Variants in ANK1 observed in about 807,000 individuals in gnomAD.
ANK1 encodes ankyrin-1.
Under a neutral mutation model 210.4 loss-of-function variants are expected in ANK1, and 51 were observed. The observed-to-expected ratio is 0.24, with a 90% CI of 0.19 to 0.31. The LOEUF is 0.31. Ranked by LOEUF, ANK1 falls within the 10% of genes least tolerant of loss-of-function variation. The probability of loss-of-function intolerance (pLI) is 1.00; values close to 1 mark genes in which losing one functional copy is unlikely to be tolerated. For missense variants in ANK1, 2,051 were observed against 2,504.4 expected (o/e 0.82, Z 3.86); for synonymous variants, 967 against 1,025.9 (o/e 0.94, Z 1.10).
At chr8:41,862,129 A>T (rs558051458) in intron 1 of ANK1, among the ~76,000 whole-genome samples, 1 of 152,216 alleles carries the variant, frequency 6.6e-6, no homozygotes, top group African/African-American at 2.4e-5. Context: ...TGGCCTCCCA[A>T]GGACCTGATT....
intron 20 of ANK1, among the ~76,000 whole-genome samples, chr8:41,702,593 A>G (rs1470955212): frequency 6.6e-6 from 1 of 152,218 alleles, no homozygotes; most frequent in Non-Finnish European, 1.5e-5. Flanking sequence ...TAATCCATAT[A>G]CTTCAATGAA....
chr8:41,873,898 G>T (rs796206676), intron 1 of ANK1, among the ~76,000 whole-genome samples: 6 of 152,152 alleles, frequency 3.9e-5, no homozygotes, highest in African/African-American at 1.2e-4. Context: ...GCCTTGGCTG[G>T]ACAAGTTACT....
In ANK1 at chr8:41,687,967, C is replaced by G. The variant is rs28497799; in HGVS notation, c.4258+189G>C. ...AAGGAAAGTCAGACAGAGATGGAGG[C>G]AGGGGGCTCCCCCTTCATGGGCAGC... is the stretch of plus-strand genomic sequence containing the variant. On this transcript the variant is annotated intron_variant, in intron 35 of 42. Coordinates refer to ENST00000289734, the MANE Select transcript of ANK1 (RefSeq NM_000037.4). Among the ~76,000 whole-genome samples, 277 of 152,328 alleles carry G rather than the reference C, an allele frequency of 1.8e-3. 1 individual carries two copies. The highest frequency in any genetic ancestry group is 6.3e-3 in the African/African-American group (260 of 41,572).
In ANK1 at chr8:41,715,620, G is replaced by T. The variant is rs569354291; in HGVS notation, c.1602+32C>A. On this transcript the variant is annotated intron_variant, in intron 14 of 42. Coordinates refer to ENST00000289734, the MANE Select transcript of ANK1 (RefSeq NM_000037.4). The stretch of plus-strand genomic sequence containing the variant: ...CCAGGCCTGGCTGAGTGAGCCTGTT[G>T]CTTCCTTAGACCACGAGGCGGGAGG... 7 of 1,611,142 alleles carry T rather than the reference G, an allele frequency of 4.3e-6. No individual in the cohort carries two copies. The East Asian group carries it at 8.9e-5, about 21-fold the overall frequency.
rs1318626902 is a variant in ANK1 at position 41,694,726 on chromosome 8, T to C, written c.3193A>G (p.Ile1065Val). The change falls in exon 28 of 43, where the codon ATC (isoleucine) becomes GTC (valine). Residue 1065 changes from isoleucine to valine, a missense_variant. Physicochemically the swap from Ile to Val is conservative, Grantham distance 29 (BLOSUM62 3). Transcript: ENST00000289734. This position sits in a 1 kb window ranked among gnomAD's most constrained non-coding sequence, Gnocchi z 5.7. ...ITTDFPLYFV[I>V]MSRLCQDYDT... ...TAGTCCTGGCAGAGCCGTGACATGATCACGAAGTACAGCGGGAAGTCGGTG... is the reference window on the plus strand; with the variant it reads ...TAGTCCTGGCAGAGCCGTGACATGACCACGAAGTACAGCGGGAAGTCGGTG... 6.2e-7 allele frequency: 1 copy of C among 1,614,168 alleles called. No homozygotes were observed. Among genetic ancestry groups the C allele is most frequent in the South Asian group, 1.1e-5 (1 of 91,084 alleles).
intron 1 of ANK1, among the ~76,000 whole-genome samples, chr8:41,759,460 C>T (rs1479528577): frequency 4.6e-5 from 7 of 152,034 alleles, no homozygotes; most frequent in Non-Finnish European, 8.8e-5. Flanking sequence ...GAGCCGAGAT[C>T]GCACCACTCC....
intron 1 of ANK1, among the ~76,000 whole-genome samples, chr8:41,860,801 C>T (rs982105620): frequency 6.6e-6 from 1 of 152,132 alleles, no homozygotes; most frequent in Non-Finnish European, 1.5e-5. Flanking sequence ...GCTGTGGGGG[C>T]CAAATGAAAA....
rs558894734 is a variant in ANK1, at chr8:41,891,654, G to A, written c.126+4701C>T. On this transcript the variant is annotated intron_variant, in intron 1 of 42. Coordinates refer to the ANK1 transcript ENST00000265709. Reference sequence around the variant, plus strand: ...CCCACCACTGCTACCTCTGCAGCAGGGAGGGAGGAGCTGAACTGAAAAAAT... The same window carrying A: ...CCCACCACTGCTACCTCTGCAGCAGAGAGGGAGGAGCTGAACTGAAAAAAT... 5.9e-5 allele frequency among the ~76,000 whole-genome samples: 9 copies of A among 152,368 alleles called. No homozygotes were observed. In the East Asian group the frequency reaches 1.7e-3, roughly 29 times the overall value.
chr8:41,743,737 A>T (rs1835363557), intron 2 of ANK1, among the ~76,000 whole-genome samples: 1 of 152,182 alleles, frequency 6.6e-6, no homozygotes, highest in South Asian at 2.1e-4. Context: ...AAACATGGGG[A>T]GAGGAAAGGC....
chr8:41,872,531 G>A (rs991361261), intron 1 of ANK1, among the ~76,000 whole-genome samples: 1 of 152,234 alleles, frequency 6.6e-6, no homozygotes, highest in African/African-American at 2.4e-5. Context: ...ATTTCTGGAA[G>A]GTCATGCCCA....
In ANK1 at chr8:41,655,305, C is replaced by CTTTTTTT. The variant is rs5891167; in HGVS notation, c.*478_*484dup. 6.9e-6 allele frequency: 1 copy of CTTTTTTT among 145,160 alleles called. No individual in the cohort carries two copies. The allele number at this position is 145,160 out of a possible 1,614,324, so 9.0% of individuals were successfully genotyped here. ...TTAAACTGATTTCATGCCTAGTTTT[C>CTTTTTTT]TTTTTTTTTTTTTTCTTTCCAGGAA... On this transcript the variant is annotated 3_prime_UTR_variant, in exon 43 of 43. Coordinates refer to ENST00000289734, the MANE Select transcript of ANK1 (RefSeq NM_000037.4).
In ANK1 at chr8:41,714,244, G is replaced by T; in HGVS notation, c.1712C>A (p.Thr571Asn). The T allele has an allele frequency of 6.4e-7, 1 of 1,554,650 alleles. No homozygotes were observed. The highest frequency in any genetic ancestry group is 8.7e-7 in the Non-Finnish European group (1 of 1,143,508). ...GTGATGGACGGCCACGTGCAGGGGG[G>T]TCAGGCCATTCTGCAGGGGACAAAG... ...HPNAAGKNGLTPLHVAVHHNN... is the reference protein window; with the variant it reads ...HPNAAGKNGLNPLHVAVHHNN... The change falls in exon 16 of 43, where the codon ACC (threonine) becomes AAC (asparagine). Residue 571 changes from threonine to asparagine, a missense_variant. Physicochemically the swap from Thr to Asn is moderately conservative, Grantham distance 65. Coordinates refer to ENST00000289734, the MANE Select transcript of ANK1 (RefSeq NM_000037.4).
At chr8:41,731,081 G>T (rs1052010389) in intron 3 of ANK1, among the ~76,000 whole-genome samples, 1 of 152,192 alleles carries the variant, frequency 6.6e-6, no homozygotes, top group Non-Finnish European at 1.5e-5. Context: ...TGAGGAATAA[G>T]AACACAGGGA....
chr8:41,742,396 G>A (rs569514623), intron 2 of ANK1, among the ~76,000 whole-genome samples: 10 of 152,284 alleles, frequency 6.6e-5, no homozygotes, highest in African/African-American at 2.4e-4. Flanking sequence ...TTCCCATGAG[G>A]ACACACAGCC....
intron 2 of ANK1, among the ~76,000 whole-genome samples, chr8:41,752,803 C>CCCG (rs1838057265): frequency 6.6e-6 from 1 of 151,656 alleles, no homozygotes; most frequent in Admixed American, 6.6e-5. Flanking sequence ...CACAGGCCCC[C>CCCG]CCCCACTGCA....
intron 1 of ANK1, among the ~76,000 whole-genome samples, chr8:41,818,024 C>T (rs1803605277): frequency 6.6e-6 from 1 of 152,224 alleles, no homozygotes. Flanking sequence ...TGGATGGCCA[C>T]CTGCACATAC....
intron 1 of ANK1, among the ~76,000 whole-genome samples, chr8:41,803,909 T>C (rs548482548): frequency 7.9e-5 from 12 of 152,314 alleles, no homozygotes; most frequent in African/African-American, 2.2e-4. Context: ...TATAGCACCA[T>C]TGAATTAGAG....
intron 1 of ANK1, among the ~76,000 whole-genome samples, chr8:41,807,648 G>A (rs1851162378): frequency 6.6e-6 from 1 of 152,146 alleles, no homozygotes. Context: ...ATGAGGCCGG[G>A]CGGTATCACA....
chr8:41,895,957 C>T (rs947287703), intron 1 of ANK1, among the ~76,000 whole-genome samples: 7 of 152,152 alleles, frequency 4.6e-5, no homozygotes, highest in Non-Finnish European at 7.4e-5. Context: ...AACCAGCTCT[C>T]CTGGAAAGCC....
Sources: gnomAD v4.1 joint callset for allele counts (sites outside exome capture counted in the v4.1 genomes callset) on GRCh38, gnomAD v4.1.1 for gene constraint, Gnocchi (gnomAD v3.1) non-coding constraint, MANE v1.5 for transcripts, NCBI Gene and HGNC (gene_info 2026-07-23, HGNC 2026-07-21) for gene names.